Variants in LYSMD2 observed in about 807,000 individuals in gnomAD.
LYSMD2 encodes lysM and putative peptidoglycan-binding domain-containing protein 2.
Under a neutral mutation model 17.7 loss-of-function variants are expected in LYSMD2, and 6 were observed. That is an observed-to-expected ratio of 0.34 (90% CI 0.19 to 0.67). The LOEUF (loss-of-function observed/expected upper bound fraction) is 0.67, where lower values mean the gene tolerates loss of function less well. LYSMD2 is among the 30% of genes least tolerant of loss of function. LYSMD2 has a pLI of 0.69. For missense variants in LYSMD2, 237 were observed against 286.7 expected (o/e 0.83, Z 1.25); for synonymous variants, 102 against 129.8 (o/e 0.79, Z 1.45).
At chr15:51,747,739 G>C (rs1345354628) in intron 1 of LYSMD2, among the ~76,000 whole-genome samples, 1 of 151,994 alleles carries the variant, frequency 6.6e-6, no homozygotes, top group East Asian at 1.9e-4. Flanking sequence ...CTATATTTTG[G>C]ATTTTGCTGA....
rs1372828010 is a variant in LYSMD2, at chr15:51,737,512, C to G, written c.111G>C (p.Glu37Asp). Reference protein sequence around the residue: ...PRSRSGSESEEAELSLSLART... With the variant: ...PRSRSGSESEDAELSLSLART... ...GGGCCAGGCTCAGCGACAGCTCGGC[C>G]TCCTCGGACTCGGAGCCGGAGCGCG... Residue 37 changes from glutamate (E) to aspartate (D), a missense_variant, in exon 1 of 3, where the codon GAG becomes GAC. Coordinates refer to ENST00000267838, the MANE Select transcript of LYSMD2 (RefSeq NM_153374.3). The surrounding 1 kb of genome is among the most constrained non-coding windows in gnomAD (Gnocchi z 4.2). 2.3e-6 allele frequency: 3 copies of G among 1,283,600 alleles called. No individual in the cohort carries two copies. The highest frequency in any genetic ancestry group is 3.1e-5 in the African/African-American group (2 of 64,376). 79.5% of individuals were successfully genotyped at this position (1,283,600 alleles called of 1,614,324 possible). A position where few individuals can be genotyped will look rare whatever the true frequency, so the allele number is the denominator to read the frequency against.
chr15:51,743,173 A>G (rs1045714686), intron 1 of LYSMD2, among the ~76,000 whole-genome samples: 2 of 152,076 alleles, frequency 1.3e-5, no homozygotes, highest in African/African-American at 4.8e-5. Context: ...TGGGGGTCTC[A>G]CTATATTGCC....
chr15:51,743,555 G>T (rs1595854761), intron 1 of LYSMD2, among the ~76,000 whole-genome samples: 1 of 152,162 alleles, frequency 6.6e-6, no homozygotes, highest in African/African-American at 2.4e-5. Context: ...TTAAAGTTGG[G>T]TAAGTCCTCT....
chr15:51,750,443 A>T (rs1164868350), intron 1 of LYSMD2, among the ~76,000 whole-genome samples: 1 of 152,234 alleles, frequency 6.6e-6, no homozygotes, highest in Non-Finnish European at 1.5e-5. Context: ...TATAGAGATT[A>T]CACCAGCCAT....
At chr15:51,742,513 T>C (rs950705708), upstream of LYSMD2, among the ~76,000 whole-genome samples, 1 of 152,256 alleles carries the variant, frequency 6.6e-6, no homozygotes, top group African/African-American at 2.4e-5. Flanking sequence ...TTGTAACATG[T>C]ATCATGTTGA....
chr15:51,748,203 C>A (rs1175914686), intron 1 of LYSMD2, among the ~76,000 whole-genome samples: 1 of 133,994 alleles, frequency 7.5e-6, no homozygotes, highest in East Asian at 2.2e-4. Flanking sequence ...CCAGAGGTTG[C>A]AGTGAGCCAA....
intron 1 of LYSMD2, among the ~76,000 whole-genome samples, chr15:51,746,159 T>C (rs564558547): frequency 3.2e-4 from 49 of 152,316 alleles, no homozygotes; most frequent in Admixed American, 2.0e-4. Flanking sequence ...TGAGTGTGCA[T>C]AGCAACATTA....
At position 51,737,642 on chromosome 15, in the gene LYSMD2, G is replaced by A. The variant is rs2055620263; in HGVS notation, c.-20C>T. 8.3e-7 allele frequency: 1 copy of A among 1,204,116 alleles called. No homozygotes were observed. 74.6% of individuals were successfully genotyped at this position (1,204,116 alleles called of 1,614,324 possible). A position where few individuals can be genotyped will look rare whatever the true frequency, so the allele number is the denominator to read the frequency against. On this transcript the variant is annotated 5_prime_UTR_variant, in exon 1 of 3. Coordinates refer to ENST00000267838, the MANE Select transcript of LYSMD2 (RefSeq NM_153374.3). This position sits in a 1 kb window ranked among gnomAD's most constrained non-coding sequence, Gnocchi z 4.2. ...CGCCATGGGTCCTGCCGAGGCCGCC[G>A]GGTCGGGGAGCTTGCCAAGGGGGCG...
Position 51,737,608 on chromosome 15 carries a change from C to A in LYSMD2, c.15G>T (p.Ser5=), listed in dbSNP as rs144333452. 1,948 of 1,210,502 alleles carry A rather than the reference C, an allele frequency of 1.6e-3. 2 individuals carry two copies. Among genetic ancestry groups the A allele is most frequent in the Non-Finnish European group, 1.9e-3 (1,819 of 975,026 alleles). 75.0% of individuals were successfully genotyped at this position (1,210,502 alleles called of 1,614,324 possible). A position where few individuals can be genotyped will look rare whatever the true frequency, so the allele number is the denominator to read the frequency against. ...CGCCTTCCCGCAGGGACAGTGCGGG[C>A]GAGGAATCCGCCATGGGTCCTGCCG... MADS[S]PALSLREGGP... is the part of the protein sequence containing the mutation. Residue 5 remains serine (S), a synonymous_variant, in exon 1 of 3, where the codon TCG becomes TCT. Transcript: ENST00000267838. This position sits in a 1 kb window ranked among gnomAD's most constrained non-coding sequence, Gnocchi z 4.2.
intron 1 of LYSMD2, among the ~76,000 whole-genome samples, chr15:51,748,854 G>C (rs1471348868): frequency 1.3e-5 from 2 of 152,164 alleles, no homozygotes; most frequent in African/African-American, 4.8e-5. Flanking sequence ...AGAAGAAGAG[G>C]GTGGACTGAA....
chr15:51,733,794 A>G (rs1379202107), intron 1 of LYSMD2, among the ~76,000 whole-genome samples: 1 of 152,168 alleles, frequency 6.6e-6, no homozygotes, highest in Non-Finnish European at 1.5e-5. Flanking sequence ...CTAGCCCTGT[A>G]TCCAGCTATT....
rs1167495057 is a variant in LYSMD2 at position 51,737,357 on chromosome 15, C to T, written c.266G>A (p.Gly89Asp). The T allele has an allele frequency of 4.2e-6, 6 of 1,443,816 alleles. No individual in the cohort carries two copies. The highest frequency in any genetic ancestry group is 4.5e-6 in the Non-Finnish European group (5 of 1,102,616). 89.4% of individuals were successfully genotyped at this position (1,443,816 alleles called of 1,614,324 possible). A position where few individuals can be genotyped will look rare whatever the true frequency, so the allele number is the denominator to read the frequency against. The change falls in exon 1 of 3, where the codon GGT (glycine) becomes GAT (aspartate). Residue 89 changes from glycine to aspartate, a missense_variant. Coordinates refer to ENST00000267838, the MANE Select transcript of LYSMD2 (RefSeq NM_153374.3). The surrounding 1 kb of genome is among the most constrained non-coding windows in gnomAD (Gnocchi z 4.2). ...DTLQGIALKYGVTMEQIKRAN... is the reference protein window; with the variant it reads ...DTLQGIALKYDVTMEQIKRAN... ...GCGGCGCGCCCTGCTCACCGTGACA[C>T]CGTACTTGAGCGCGATGCCCTGCAG...
chr15:51,739,784 C>T (rs150279041), upstream of LYSMD2, among the ~76,000 whole-genome samples: 9 of 152,034 alleles, frequency 5.9e-5, no homozygotes, highest in East Asian at 1.9e-4. Flanking sequence ...AAAACTTAAT[C>T]GAGCATGTGG....
rs1455478988 is a variant in LYSMD2, at chr15:51,723,204, AAC to A, written c.*401_*402del. Reference sequence around the variant, plus strand: ...ATATATATATAGCACTTAAGTTATAAACACACAGCAAATTCAGCATCACTTAA... The same window carrying A: ...ATATATATATAGCACTTAAGTTATAAACACAGCAAATTCAGCATCACTTAA... On this transcript the variant is annotated 3_prime_UTR_variant, in exon 3 of 3. Coordinates refer to ENST00000267838, the MANE Select transcript of LYSMD2 (RefSeq NM_153374.3). The A allele has an allele frequency of 3.4e-4, 58 of 169,700 alleles. No homozygotes were observed. The highest frequency in any genetic ancestry group is 1.3e-4 in the Non-Finnish European group (10 of 78,202). 10.5% of individuals were successfully genotyped at this position (169,700 alleles called of 1,614,324 possible).
intron 1 of LYSMD2, among the ~76,000 whole-genome samples, chr15:51,735,309 A>G (rs2031375578): frequency 6.6e-6 from 1 of 152,206 alleles, no homozygotes; most frequent in Admixed American, 6.5e-5. Context: ...CCAGGGCCCA[A>G]AGTAATGAGA....
In LYSMD2 at chr15:51,725,010, T is replaced by TA. The variant is rs1270843141; in HGVS notation, c.384dup (p.Asn129Ter). ...TCATTTTCTGGAGAATCAATGGAGT[T>TA]AAGTCCATTAAACAACAAAGGCTTC... On this transcript the variant is annotated frameshift_variant, in exon 2 of 3. Transcript: ENST00000267838. LOFTEE classifies it high-confidence loss of function. The TA allele has an allele frequency of 1.2e-6, 2 of 1,613,918 alleles. No individual in the cohort carries two copies. The highest frequency in any genetic ancestry group is 1.7e-6 in the Non-Finnish European group (2 of 1,179,894).
chr15:51,746,893 C>A (rs375534558), intron 1 of LYSMD2, among the ~76,000 whole-genome samples: 2 of 151,648 alleles, frequency 1.3e-5, no homozygotes, highest in African/African-American at 4.9e-5. Flanking sequence ...TAAAATAACA[C>A]CTTAGTCCAG....
At position 51,745,151 on chromosome 15, in the gene LYSMD2, T is replaced by C. The variant is rs779681715; in HGVS notation, c.-1+6120A>G. 2.0e-4 allele frequency among the ~76,000 whole-genome samples: 31 copies of C among 152,124 alleles called. 1 individual carries two copies. The highest frequency in any genetic ancestry group is 3.8e-4 in the Non-Finnish European group (26 of 67,992). On this transcript the variant is annotated intron_variant, in intron 1 of 2. Coordinates refer to the LYSMD2 transcript ENST00000454181. ...CCTCCAACAAAGAAAAGCCAAGACCTAGATAGCTTCATTGGTGATTTATAC... is the reference window on the plus strand; with the variant it reads ...CCTCCAACAAAGAAAAGCCAAGACCCAGATAGCTTCATTGGTGATTTATAC...
upstream of LYSMD2, among the ~76,000 whole-genome samples, chr15:51,740,107 G>A (rs2055635566): frequency 6.6e-6 from 1 of 152,016 alleles, no homozygotes; most frequent in Non-Finnish European, 1.5e-5. Flanking sequence ...TACAGCATGT[G>A]CCACTATGCC....
Sources: gnomAD v4.1 joint callset for allele counts (sites outside exome capture counted in the v4.1 genomes callset) on GRCh38, gnomAD v4.1.1 for gene constraint, Gnocchi (gnomAD v3.1) non-coding constraint, MANE v1.5 for transcripts, NCBI Gene and HGNC (gene_info 2026-07-23, HGNC 2026-07-21) for gene names.